The following FGFR2 variants were observed in gnomAD, a reference collection of about 807,000 sequenced individuals.
FGFR2 encodes BEK fibroblast growth factor receptor.
FGFR2 carries 19 observed loss-of-function variants against 95.9 expected under a neutral mutation model. That is an observed-to-expected ratio of 0.20 (90% CI 0.14 to 0.29). FGFR2 has a LOEUF of 0.29. Among genes scored for constraint, FGFR2 ranks in the 10% least tolerant of loss-of-function variants. The probability of loss-of-function intolerance (pLI) is 1.00; values close to 1 mark genes in which losing one functional copy is unlikely to be tolerated. For synonymous variants in FGFR2, 392 were observed against 393.3 expected, an observed-to-expected ratio of 1.00 and a Z score of 0.04; for missense variants, 707 against 1,056.9, an observed-to-expected ratio of 0.67 and a Z score of 4.59.
At chr10:121,509,379 C>T (rs957323212) in intron 9 of FGFR2, among the ~76,000 whole-genome samples, 15 of 146,988 alleles carry the variant, frequency 1.0e-4, no homozygotes, top group African/African-American at 3.5e-4. Context: ...ATGTGCTTTT[C>T]GTACATTTCC....
chr10:121,590,760 G>C (rs1862513747), intron 2 of FGFR2, among the ~76,000 whole-genome samples: 1 of 152,168 alleles, frequency 6.6e-6, no homozygotes, highest in African/African-American at 2.4e-5. Flanking sequence ...TCTAGTGTTA[G>C]GGCCCAGGCT....
chr10:121,564,903 C>CTCTTTT, intron 3 of FGFR2, among the ~76,000 whole-genome samples: 1 of 152,290 alleles, frequency 6.6e-6, no homozygotes, highest in East Asian at 1.9e-4. Flanking sequence ...CACCCAAAGA[C>CTCTTTT]TCTTTTTCCA....
intron 4 of FGFR2, 46 bp from the exon 5 acceptor site, chr10:121,551,505 C>A (rs764971563): frequency 1.2e-5 from 19 of 1,576,302 alleles, no homozygotes; most frequent in Non-Finnish European, 1.6e-5. Flanking sequence ...GGACAGCTTC[C>A]CCTCCATGAG....
chr10:121,560,101 T>C (rs903161167), intron 4 of FGFR2, among the ~76,000 whole-genome samples: 4 of 152,168 alleles, frequency 2.6e-5, no homozygotes, highest in African/African-American at 9.6e-5. Flanking sequence ...ACCCCCATCG[T>C]GACCCTAGGA....
intron 9 of FGFR2, among the ~76,000 whole-genome samples, chr10:121,511,233 G>A (rs1849022955): frequency 6.6e-6 from 1 of 151,956 alleles, no homozygotes; most frequent in African/African-American, 2.4e-5. Context: ...CAGTGAGAGA[G>A]GGTGTAAGCT....
rs758605716 is a variant in FGFR2, at chr10:121,500,816, C to T, written c.1561+10G>A. On this transcript the variant is annotated intron_variant, in intron 11 of 17. Transcript: ENST00000358487. ...CAGCCCCTCCCCGAGCCTCCCGCCT[C>T]CCCGCTCACCTTTCAACATCTTCAC... The T allele has an allele frequency of 1.9e-6, 3 of 1,613,774 alleles. No homozygotes were observed. Among genetic ancestry groups the T allele is most frequent in the Non-Finnish European group, 2.5e-6 (3 of 1,180,004 alleles).
At chr10:121,560,615 CAAAAAAAAAAAAAAAA>C (rs34753296) in intron 4 of FGFR2, among the ~76,000 whole-genome samples, 1 of 51,794 alleles carries the variant, frequency 1.9e-5, no homozygotes, top group Non-Finnish European at 3.6e-5. Context: ...ACTCCGTCCC[CAAAAAAAAAAAAAAAA>C]AAAAAAAAAA....
chr10:121,518,764 A>G lies in FGFR2; in HGVS notation c.939+1215T>C. 1 of 1,614,202 alleles carries G rather than the reference A, an allele frequency of 6.2e-7. No individual in the cohort carries two copies. The highest frequency in any genetic ancestry group is 8.5e-7 in the Non-Finnish European group (1 of 1,180,044). On this transcript the variant is annotated intron_variant, in intron 7 of 17. Transcript: ENST00000358487. The surrounding 1 kb of genome is among the most constrained non-coding windows in gnomAD (Gnocchi z 4.0). ...TGGAGACCTTACATATATATTCCCCAGCATCCGCCTCGGTCACATTGAACA... is the reference window on the plus strand; with the variant it reads ...TGGAGACCTTACATATATATTCCCCGGCATCCGCCTCGGTCACATTGAACA...
intron 2 of FGFR2, among the ~76,000 whole-genome samples, chr10:121,581,871 A>T (rs1178051712): frequency 1.3e-5 from 2 of 150,014 alleles, no homozygotes; most frequent in Non-Finnish European, 3.0e-5. Context: ...CTTTTCCTTC[A>T]CAGAATCTTC....
At chr10:121,569,442 G>T (rs1201433881) in intron 2 of FGFR2, among the ~76,000 whole-genome samples, 1 of 152,070 alleles carries the variant, frequency 6.6e-6, no homozygotes, top group Non-Finnish European at 1.5e-5. Flanking sequence ...TGCTGGTCTT[G>T]AACTCCTGAC....
At chr10:121,542,895 G>A (rs1286045763) in intron 5 of FGFR2, among the ~76,000 whole-genome samples, 2 of 152,104 alleles carry the variant, frequency 1.3e-5, no homozygotes, top group Non-Finnish European at 2.9e-5. Context: ...CGCAGTGAAA[G>A]GTGAAGGGTG....
At chr10:121,585,438 GGAA>G (rs1454163378) in intron 2 of FGFR2, among the ~76,000 whole-genome samples, 1 of 152,198 alleles carries the variant, frequency 6.6e-6, no homozygotes, top group African/African-American at 2.4e-5. Flanking sequence ...AGTGGGACAG[GGAA>G]GAAATCAGCA....
At chr10:121,538,254 T>C in intron 6 of FGFR2, 1 of 684,180 alleles carries the variant, frequency 1.5e-6, no homozygotes, top group Non-Finnish European at 2.7e-6. Flanking sequence ...AAACCAAAGG[T>C]CTGCTACAGC....
chr10:121,526,936 T>G (rs1253664084), intron 6 of FGFR2: 4 of 394,148 alleles, frequency 1.0e-5, no homozygotes, highest in Non-Finnish European at 1.8e-5. Context: ...CACACGTCTC[T>G]TTGCAGAGAG....
intron 17 of FGFR2, among the ~76,000 whole-genome samples, chr10:121,480,784 G>A (rs1401951050): frequency 6.6e-6 from 1 of 152,062 alleles, no homozygotes; most frequent in Non-Finnish European, 1.5e-5. Context: ...TGCTCCCCAA[G>A]GCATCCAGTG....
intron 5 of FGFR2, among the ~76,000 whole-genome samples, chr10:121,549,625 G>A (rs1855073610): frequency 6.6e-6 from 1 of 151,310 alleles, no homozygotes; most frequent in Admixed American, 6.6e-5. Context: ...CTGCGATCCT[G>A]CTCTCTCTCT....
chr10:121,532,339 T>G (rs543958498), intron 6 of FGFR2, among the ~76,000 whole-genome samples: 2 of 152,124 alleles, frequency 1.3e-5, no homozygotes. Context: ...ATTTAAATGA[T>G]GCCACCACAG....
intron 10 of FGFR2, among the ~76,000 whole-genome samples, chr10:121,502,539 C>T (rs929630675): frequency 2.0e-5 from 3 of 152,180 alleles, no homozygotes. Context: ...TCACGTGAAT[C>T]AAAATCAGAA....
At chr10:121,480,469 A>G (rs558392926) in intron 17 of FGFR2, 1 of 277,688 alleles carries the variant, frequency 3.6e-6, no homozygotes, top group East Asian at 5.4e-5. Context: ...AAAACCGGTA[A>G]CATGTTGTGG....
Sources: allele counts gnomAD v4.1 joint callset (sites outside exome capture counted in the v4.1 genomes callset), GRCh38; gene constraint gnomAD v4.1.1; non-coding constraint Gnocchi (gnomAD v3.1); transcripts MANE v1.5; gene names NCBI Gene and HGNC (gene_info 2026-07-23, HGNC 2026-07-21).